The following AP3B1 variants were observed in gnomAD, a reference collection of about 807,000 sequenced individuals.
AP3B1 encodes AP-3 complex subunit beta-1.
In AP3B1, 61 loss-of-function variants were observed where a neutral mutation model predicts 132.5. The ratio of observed to expected loss-of-function variants is 0.46; its 90% CI spans 0.37 to 0.57. AP3B1 has a LOEUF of 0.57. Among genes scored for constraint, AP3B1 ranks in the 20% least tolerant of loss-of-function variants. AP3B1 has a pLI of 0.00. For missense variants in AP3B1, 1,120 were observed against 1,289.4 expected, an observed-to-expected ratio of 0.87 and a Z score of 2.01; for synonymous variants, 388 against 438.3, an observed-to-expected ratio of 0.89 and a Z score of 1.43.
At chr5:78,218,572 T>A (rs928810482) in intron 6 of AP3B1, among the ~76,000 whole-genome samples, 10 of 151,990 alleles carry the variant, frequency 6.6e-5, no homozygotes, top group Admixed American at 6.6e-4. Flanking sequence ...ATCTATGGAG[T>A]TCATATTTTC....
chr5:78,257,605 CT>C (rs759713937), intron 2 of AP3B1, among the ~76,000 whole-genome samples: 1 of 152,176 alleles, frequency 6.6e-6, no homozygotes, highest in East Asian at 1.9e-4. Context: ...CCAAAACAAT[CT>C]ACAGATTCAA....
At chr5:78,293,588 T>C (rs1198692161) in intron 1 of AP3B1, among the ~76,000 whole-genome samples, 1 of 152,230 alleles carries the variant, frequency 6.6e-6, no homozygotes, top group Non-Finnish European at 1.5e-5. Flanking sequence ...ACAGCTATTC[T>C]ACCTTAATTT....
At chr5:78,025,394 A>T (rs931352207) in intron 24 of AP3B1, among the ~76,000 whole-genome samples, 11 of 152,044 alleles carry the variant, frequency 7.2e-5, no homozygotes, top group African/African-American at 2.7e-4. Context: ...AGGGAAAGCG[A>T]TCCTGAAATG....
chr5:78,069,826 T>C (rs1749459174), intron 22 of AP3B1, among the ~76,000 whole-genome samples: 1 of 152,070 alleles, frequency 6.6e-6, no homozygotes. Flanking sequence ...AAGCTGGCGG[T>C]ATCACTCTAC....
At chr5:78,279,907 A>AATATATATATATGACTTAAATAT (rs1554035367) in intron 1 of AP3B1, among the ~76,000 whole-genome samples, 2,101 of 114,114 alleles carry the variant, frequency 0.018, 34 homozygotes, top group Non-Finnish European at 0.026. Context: ...ATATGACTTA[A>AATATATATATATGACTTAAATAT]ATATATATAT....
intron 2 of AP3B1, among the ~76,000 whole-genome samples, chr5:78,266,650 T>C (rs937205750): frequency 6.6e-6 from 1 of 152,168 alleles, no homozygotes; most frequent in Non-Finnish European, 1.5e-5. Context: ...TTTGACCTTA[T>C]TATATAAAAT....
chr5:78,093,672 G>A (rs1410106394), intron 21 of AP3B1, among the ~76,000 whole-genome samples: 1 of 152,142 alleles, frequency 6.6e-6, no homozygotes, highest in Non-Finnish European at 1.5e-5. Flanking sequence ...TATTTAATTT[G>A]TAATTTGCTG....
At chr5:78,014,947 T>C (rs952421078) in intron 26 of AP3B1, among the ~76,000 whole-genome samples, 2 of 152,200 alleles carry the variant, frequency 1.3e-5, no homozygotes, top group Non-Finnish European at 2.9e-5. Flanking sequence ...ATGTTGGTCA[T>C]CTAGCAGCTC....
chr5:78,041,070 TCTGAGACCAGC>T (rs1318009323), intron 22 of AP3B1, among the ~76,000 whole-genome samples: 6 of 151,654 alleles, frequency 4.0e-5, no homozygotes, highest in African/African-American at 1.5e-4. Flanking sequence ...AGGTCCGGAG[TCTGAGACCAGC>T]CTGATCAACA....
intron 13 of AP3B1, among the ~76,000 whole-genome samples, chr5:78,157,613 A>C (rs980771651): frequency 6.6e-6 from 1 of 152,234 alleles, no homozygotes; most frequent in African/African-American, 2.4e-5. Flanking sequence ...AATGATGCCA[A>C]AGAAATAAAT....
At chr5:78,020,009 C>T (rs1231804344) in intron 25 of AP3B1, among the ~76,000 whole-genome samples, 4 of 152,082 alleles carry the variant, frequency 2.6e-5, no homozygotes, top group African/African-American at 9.6e-5. Context: ...TAAAATCAGA[C>T]AGTTATCTCC....
At position 78,128,042 on chromosome 5, in the gene AP3B1, T is replaced by G; in HGVS notation, c.1956A>C (p.Glu652Asp). ...VAPDPSVRNV[E>D]VIELAKEWTP... ...AAGGTCAACTTACCAACTCTATTAC[T>G]TCTACATTTCGAACTGATGGGTCGG... is the stretch of plus-strand genomic sequence containing the variant. Residue 652 changes from glutamate (E) to aspartate (D), a missense_variant, in exon 17 of 27, where the codon GAA (glutamate) becomes GAC (aspartate). Glu to Asp is a conservative substitution (Grantham distance 45). Transcript: ENST00000255194. 1 of 1,612,960 alleles carries G rather than the reference T, an allele frequency of 6.2e-7. No individual in the cohort carries two copies. Among genetic ancestry groups the G allele is most frequent in the Non-Finnish European group, 8.5e-7 (1 of 1,179,070 alleles).
intron 1 of AP3B1, among the ~76,000 whole-genome samples, chr5:78,282,291 C>T (rs779636987): frequency 1.2e-4 from 18 of 151,892 alleles, no homozygotes; most frequent in Admixed American, 3.3e-4. Context: ...ATACATAAGC[C>T]TGCCTTCTTT....
At chr5:78,199,949 T>C (rs1745224379) in intron 7 of AP3B1, among the ~76,000 whole-genome samples, 1 of 152,290 alleles carries the variant, frequency 6.6e-6, no homozygotes, top group East Asian at 1.9e-4. Context: ...ATCTAAATTA[T>C]AGGATACACT....
At chr5:78,175,555 G>A in intron 11 of AP3B1, 71 bp downstream of exon 11, 1 of 1,212,048 alleles carries the variant, frequency 8.3e-7, no homozygotes, top group Admixed American at 1.9e-5. Context: ...TCCCACAGGT[G>A]CTAAAAGCTA....
intron 20 of AP3B1, among the ~76,000 whole-genome samples, chr5:78,105,806 A>G (rs748099169): frequency 3.3e-4 from 50 of 152,232 alleles, no homozygotes; most frequent in Non-Finnish European, 6.2e-4. Context: ...TCTGACCTCA[A>G]ATGAGGACAT....
chr5:78,281,866 C>A (rs1749071756), intron 1 of AP3B1, among the ~76,000 whole-genome samples: 1 of 151,924 alleles, frequency 6.6e-6, no homozygotes, highest in African/African-American at 2.4e-5. Context: ...CTGAACTGCA[C>A]ACTTAACAAT....
intron 22 of AP3B1, among the ~76,000 whole-genome samples, chr5:78,065,148 C>A (rs1004760454): frequency 6.6e-6 from 1 of 152,160 alleles, no homozygotes; most frequent in Admixed American, 6.5e-5. Context: ...ATTGTACTAT[C>A]CCGCCCAGGA....
intron 2 of AP3B1, among the ~76,000 whole-genome samples, chr5:78,260,998 G>T (rs868238567): frequency 1.3e-5 from 2 of 152,132 alleles, no homozygotes; most frequent in African/African-American, 4.8e-5. Context: ...TACCACATTC[G>T]TTTATTCATC....
Sources: allele counts gnomAD v4.1 joint callset (sites outside exome capture counted in the v4.1 genomes callset), GRCh38; gene constraint gnomAD v4.1.1; transcripts MANE v1.5; gene names NCBI Gene and HGNC (gene_info 2026-07-23, HGNC 2026-07-21).